The following UNKL variants were observed in gnomAD, a reference collection of about 807,000 sequenced individuals.
UNKL encodes the protein putative E3 ubiquitin-protein ligase UNKL.
UNKL carries 60 observed loss-of-function variants against 78.0 expected under a neutral mutation model. The ratio of observed to expected loss-of-function variants is 0.77; its 90% CI spans 0.63 to 0.95. The LOEUF (loss-of-function observed/expected upper bound fraction) is 0.95. UNKL is among the 40% of genes least tolerant of loss of function. UNKL has a pLI of 0.00. For synonymous variants in UNKL, 608 were observed against 474.8 expected (o/e 1.28, Z -3.65); for missense variants, 1,159 against 1,045.7 (o/e 1.11, Z -1.49).
At chr16:1,394,352 T>G in intron 6 of UNKL, 137 bp from the exon 7 acceptor site, 31 of 986,922 alleles carry the variant, frequency 3.1e-5, no homozygotes, top group Non-Finnish European at 4.4e-5. Context: ...GCGTGGGCCC[T>G]GCCCTCCTCC....
In UNKL at chr16:1,413,988, G is replaced by A; in HGVS notation, c.145C>T (p.Pro49Ser). The A allele has an allele frequency of 6.4e-7, 1 of 1,552,058 alleles. No individual in the cohort carries two copies. Among genetic ancestry groups the A allele is most frequent in the Non-Finnish European group, 8.7e-7 (1 of 1,147,590 alleles). Residue 49 changes from proline (P) to serine (S), a missense_variant, in exon 2 of 15, where the codon CCG becomes TCG. Physicochemically the swap from Pro to Ser is moderately conservative, Grantham distance 74 (BLOSUM62 -1). Transcript: ENST00000389221. ...FSQHKCAQHR[P>S]FTCFHWHFLN... ...AAGTGCCAGTGGAAGCAGGTGAACG[G>A]CCGGTGCTGCGCGCACTTGTGCTGT...
chr16:1,370,362 C>CG lies in UNKL; in HGVS notation c.1358-6dup. ...AGCCGGCCAGCGACCTGGGACCTGGCGGGGGCGGACCAGTCAGCGAAGGGA... is the reference window on the plus strand; with the variant it reads ...AGCCGGCCAGCGACCTGGGACCTGGCGGGGGGCGGACCAGTCAGCGAAGGGA... On this transcript the variant is annotated splice_region_variant and splice_polypyrimidine_tract_variant and intron_variant, in intron 11 of 14. Transcript: ENST00000389221. 6.5e-7 allele frequency: 1 copy of CG among 1,531,202 alleles called. No homozygotes were observed. The highest frequency in any genetic ancestry group is 8.7e-7 in the Non-Finnish European group (1 of 1,145,474). The allele number at this position is 1,531,202 out of a possible 1,614,324, so 94.9% of individuals were successfully genotyped here. A position where few individuals can be genotyped will look rare whatever the true frequency, so the allele number is the denominator to read the frequency against.
Position 1,403,615 on chromosome 16 carries a change from A to G in UNKL, c.288-271T>C, listed in dbSNP as rs1296075308. Among the ~76,000 whole-genome samples, 1 of 152,196 alleles carries G rather than the reference A, an allele frequency of 6.6e-6. No homozygotes were observed. The highest frequency in any genetic ancestry group is 1.9e-4 in the East Asian group (1 of 5,196). ...CCATCGCAAACCCCCAGTCAGCCAAACACAGCAGGAAACACAATGCTGAAT... is the reference window on the plus strand; with the variant it reads ...CCATCGCAAACCCCCAGTCAGCCAAGCACAGCAGGAAACACAATGCTGAAT... On this transcript the variant is annotated intron_variant, in intron 2 of 14. Coordinates refer to ENST00000389221, the MANE Select transcript of UNKL (RefSeq NM_001372107.1). The surrounding 1 kb of genome is among the most constrained non-coding windows in gnomAD (Gnocchi z 4.8).
intron 2 of UNKL, among the ~76,000 whole-genome samples, chr16:1,410,986 G>A (rs557107612): frequency 2.0e-5 from 3 of 152,180 alleles, no homozygotes; most frequent in Non-Finnish European, 2.9e-5. Context: ...ATCCCTGCAC[G>A]TTGGAGAGGC....
At chr16:1,383,704 C>T (rs976389626) in intron 10 of UNKL, 10 of 397,718 alleles carry the variant, frequency 2.5e-5, no homozygotes, top group East Asian at 7.4e-5. Flanking sequence ...CTGCGGCTCT[C>T]GGGCAAGAGT....
intron 3 of UNKL, among the ~76,000 whole-genome samples, chr16:1,402,789 CCTGA>C (rs1468984061): frequency 6.6e-6 from 1 of 151,702 alleles, no homozygotes; most frequent in Non-Finnish European, 1.5e-5. Context: ...TCGAGACCAT[CCTGA>C]CTAACATGGT....
intron 8 of UNKL, among the ~76,000 whole-genome samples, chr16:1,391,464 T>C (rs577759036): frequency 3.3e-5 from 5 of 152,200 alleles, no homozygotes; most frequent in East Asian, 3.9e-4. Flanking sequence ...ACCCAGTTAA[T>C]TTTTCAAAGC....
In UNKL at chr16:1,392,978, T is replaced by G; in HGVS notation, c.938-2A>C. ...ATTCATTCACCATCCCCAGGCTCTC[T>G]GCAAGGACAGGGGAGCAGCAGACTC... On this transcript the variant is annotated splice_acceptor_variant, in intron 7 of 14. Transcript: ENST00000389221. LOFTEE classifies it high-confidence loss of function. 1 of 1,550,322 alleles carries G rather than the reference T, an allele frequency of 6.5e-7. No individual in the cohort carries two copies. The highest frequency in any genetic ancestry group is 8.7e-7 in the Non-Finnish European group (1 of 1,146,848).
chr16:1,372,005 C>G (rs892886406), intron 10 of UNKL, among the ~76,000 whole-genome samples: 1 of 152,124 alleles, frequency 6.6e-6, no homozygotes, highest in Admixed American at 6.5e-5. Flanking sequence ...ACCTGTAATC[C>G]CAGCACTTTG....
At chr16:1,370,621 C>T (rs1276241515) in intron 11 of UNKL, among the ~76,000 whole-genome samples, 3 of 149,868 alleles carry the variant, frequency 2.0e-5, no homozygotes, top group Admixed American at 2.0e-4. Context: ...TTAACATGGG[C>T]CCCCCCCAAA....
At chr16:1,378,977 T>C (rs2036445520) in intron 10 of UNKL, 2 of 152,260 alleles carry the variant, frequency 1.3e-5, no homozygotes, top group Admixed American at 1.3e-4. Context: ...CTGACCCTTG[T>C]GCAGAGGCAA....
At position 1,397,250 on chromosome 16, in the gene UNKL, T is replaced by C. The variant is rs1029264919; in HGVS notation, c.780A>G (p.Glu260=). 13 of 1,542,002 alleles carry C rather than the reference T, an allele frequency of 8.4e-6. No homozygotes were observed. Among genetic ancestry groups the C allele is most frequent in the African/African-American group, 1.4e-5 (1 of 72,964 alleles). Residue 260 remains glutamate (E), a synonymous_variant, in exon 6 of 15, where the codon GAA becomes GAG. Transcript: ENST00000389221. ...PSVKHGDEWG[E]PSRCDGGDGC... ...CGTCGCCGCCATCGCAGCGTGAGGG[T>C]TCCCCCCACTCATCCCCGTGCTTCA...
chr16:1,366,362 CCA>C lies in UNKL; in HGVS notation c.2078_2079del (p.Val693GlyfsTer21), dbSNP rs1326232140. On this transcript the variant is annotated frameshift_variant, in exon 15 of 15. Transcript: ENST00000389221. LOFTEE classifies it low-confidence loss of function (END_TRUNC). ...VIFQLRAKQC[V>X]ACRERAHGAV... ...GCACCGTGGGCCCGCTCCCGGCAGG[CCA>C]CACACTGCTTGGCGCGGAGCTGGAA... The C allele has an allele frequency of 6.2e-7, 1 of 1,602,606 alleles. No homozygotes were observed. Among genetic ancestry groups the C allele is most frequent in the Non-Finnish European group, 8.5e-7 (1 of 1,174,302 alleles).
Position 1,372,066 on chromosome 16 carries a change from C to A in UNKL, c.1265-455G>T, listed in dbSNP as rs545336609. ...GGTCAGGAGATCGAGACCATCCTGG[C>A]TAACACGGTGAAACCCCGTCTCAAC... On this transcript the variant is annotated intron_variant, in intron 10 of 14. Coordinates refer to ENST00000389221, the MANE Select transcript of UNKL (RefSeq NM_001372107.1). Among the ~76,000 whole-genome samples, 25 of 150,106 alleles carry A rather than the reference C, an allele frequency of 1.7e-4. 1 individual carries two copies. In the South Asian group the frequency reaches 3.0e-3, roughly 18 times the overall value.
At chr16:1,389,436 C>T (rs1179872531) in intron 9 of UNKL, among the ~76,000 whole-genome samples, 1 of 152,128 alleles carries the variant, frequency 6.6e-6, no homozygotes, top group Non-Finnish European at 1.5e-5. Context: ...TTAGCCAAGC[C>T]TGGTGGTGTA....
chr16:1,369,498 T>G (rs1038980913), intron 12 of UNKL, among the ~76,000 whole-genome samples: 4 of 152,046 alleles, frequency 2.6e-5, no homozygotes, highest in Non-Finnish European at 5.9e-5. Context: ...GCCTCCCCAG[T>G]AGCTGGGGTT....
At chr16:1,368,310 TAAAAA>T (rs201360887) in intron 12 of UNKL, 10 of 159,818 alleles carry the variant, frequency 6.3e-5, no homozygotes, top group Non-Finnish European at 1.4e-4. Flanking sequence ...AAATGTTACT[TAAAAA>T]AAACAGGCCG....
intron 10 of UNKL, among the ~76,000 whole-genome samples, chr16:1,371,981 G>A (rs1206308283): frequency 6.6e-6 from 1 of 152,204 alleles, no homozygotes; most frequent in East Asian, 1.9e-4. Flanking sequence ...CCAGGGCCGG[G>A]TGCGGTGGCT....
chr16:1,393,758 G>A (rs60117746), intron 7 of UNKL, among the ~76,000 whole-genome samples: 2,326 of 152,284 alleles, frequency 0.015, 49 homozygotes, highest in African/African-American at 0.052. Context: ...TGGCAGTCTC[G>A]GAGCAAGGCC....
Sources: allele counts gnomAD v4.1 joint callset (sites outside exome capture counted in the v4.1 genomes callset), GRCh38; gene constraint gnomAD v4.1.1; non-coding constraint Gnocchi (gnomAD v3.1); transcripts MANE v1.5; gene names NCBI Gene and HGNC (gene_info 2026-07-23, HGNC 2026-07-21).